Variants in ZNF101 observed in about 807,000 individuals in gnomAD.
ZNF101 encodes the protein zinc finger protein 101.
In ZNF101, 34 loss-of-function variants were observed where a neutral mutation model predicts 42.6. The observed-to-expected ratio is 0.80, with a 90% confidence interval of 0.61 to 1.06. ZNF101 has a LOEUF of 1.06. Among genes scored for constraint, ZNF101 ranks in the 50% least tolerant of loss-of-function variants. ZNF101 has a pLI of 0.00. For synonymous variants in ZNF101, 158 were observed against 183.9 expected (o/e 0.86, Z 1.14); for missense variants, 466 against 530.9 (o/e 0.88, Z 1.20).
rs2062151361 is a variant in ZNF101, at chr19:19,668,929, C to T, written c.-35C>T. 16 of 1,579,214 alleles carry T rather than the reference C, an allele frequency of 1.0e-5. No individual in the cohort carries two copies. The highest frequency in any genetic ancestry group is 1.4e-5 in the Non-Finnish European group (16 of 1,163,106). On this transcript the variant is annotated 5_prime_UTR_variant, in exon 1 of 4. Coordinates refer to ENST00000592502, the MANE Select transcript of ZNF101 (RefSeq NM_033204.4). ...GTGGGACCTGTTCTGGCTGCTCCAG[C>T]CCCAGGAAGGACCCAGGACACCCGG... is the stretch of plus-strand genomic sequence containing the variant.
chr19:19,670,804 C>T (rs1241947445), intron 1 of ZNF101, among the ~76,000 whole-genome samples: 1 of 151,012 alleles, frequency 6.6e-6, no homozygotes, highest in Non-Finnish European at 1.5e-5. Flanking sequence ...AATACATTCC[C>T]ACAAAAAAAA....
chr19:19,668,674 ATTAT>A (rs1378988861), upstream of ZNF101: 1 of 427,796 alleles, frequency 2.3e-6, no homozygotes, highest in Non-Finnish European at 4.2e-6. Context: ...CAGCGAGCGG[ATTAT>A]TTGAGGATTC....
At position 19,680,348 on chromosome 19, in the gene ZNF101, G is replaced by A. The variant is rs1416510371; in HGVS notation, c.*48G>A. ...AGGCCCCATATCGGCTGGGTACGGTGGCTCACGCTTGTAATCCCAGCACTT... is the reference window on the plus strand; with the variant it reads ...AGGCCCCATATCGGCTGGGTACGGTAGCTCACGCTTGTAATCCCAGCACTT... On this transcript the variant is annotated 3_prime_UTR_variant, in exon 4 of 4. Transcript: ENST00000592502. 9.0e-7 allele frequency: 1 copy of A among 1,108,922 alleles called. No homozygotes were observed. Among genetic ancestry groups the A allele is most frequent in the East Asian group, 2.6e-5 (1 of 38,182 alleles). 68.7% of individuals were successfully genotyped at this position (1,108,922 alleles called of 1,614,324 possible). A position where few individuals can be genotyped will look rare whatever the true frequency, so the allele number is the denominator to read the frequency against.
At chr19:19,668,834 C>A, upstream of ZNF101, 1 of 1,219,914 alleles carries the variant, frequency 8.2e-7, no homozygotes, top group Non-Finnish European at 1.1e-6. Flanking sequence ...TCCCGCCGGC[C>A]CCCCATTCGG....
chr19:19,681,590 A>G lies in ZNF101; in HGVS notation c.*1290A>G, dbSNP rs1367688789. 1 of 151,984 alleles carries G rather than the reference A, an allele frequency of 6.6e-6. No individual in the cohort carries two copies. The highest frequency in any genetic ancestry group is 1.9e-4 in the East Asian group (1 of 5,180). The allele number at this position is 151,984 out of a possible 1,614,324, so 9.4% of individuals were successfully genotyped here. A position where few individuals can be genotyped will look rare whatever the true frequency, so the allele number is the denominator to read the frequency against. The stretch of plus-strand genomic sequence containing the variant: ...CCTGGAGAAATCCCATGTATACAAA[A>G]AATAGAAAAGTTAGCCAGGGATGAT... On this transcript the variant is annotated 3_prime_UTR_variant, in exon 4 of 4. Transcript: ENST00000592502.
Position 19,681,232 on chromosome 19 carries a change from A to G in ZNF101, c.*932A>G, listed in dbSNP as rs2062238679. ...GAAAAGACTAACTGGAAAAAAATCCAAAGACCTCAGATATTCCAGTTCTAT... is the reference window on the plus strand; with the variant it reads ...GAAAAGACTAACTGGAAAAAAATCCGAAGACCTCAGATATTCCAGTTCTAT... On this transcript the variant is annotated 3_prime_UTR_variant, in exon 4 of 4. Transcript: ENST00000592502. The G allele has an allele frequency of 6.6e-6, 1 of 152,260 alleles. No individual in the cohort carries two copies. The highest frequency in any genetic ancestry group is 1.5e-5 in the Non-Finnish European group (1 of 68,050). The allele number at this position is 152,260 out of a possible 1,614,324, so 9.4% of individuals were successfully genotyped here.
chr19:19,670,426 A>G (rs1349991773), intron 1 of ZNF101, among the ~76,000 whole-genome samples: 1 of 152,158 alleles, frequency 6.6e-6, no homozygotes, highest in African/African-American at 2.4e-5. Context: ...TTTTGTAGAG[A>G]CAAGGTCTCA....
upstream of ZNF101, chr19:19,668,834 C>T: frequency 1.6e-6 from 2 of 1,219,914 alleles, no homozygotes; most frequent in African/African-American, 1.6e-5. Context: ...TCCCGCCGGC[C>T]CCCCATTCGG....
At chr19:19,679,110 T>C in intron 3 of ZNF101, 71 bp from the exon 4 acceptor site, 1 of 1,558,892 alleles carries the variant, frequency 6.4e-7, no homozygotes, top group East Asian at 2.2e-5. Flanking sequence ...AGCATAAGTC[T>C]TAAGACATGT....
At chr19:19,671,418 GTC>G (rs1470133713) in intron 1 of ZNF101, among the ~76,000 whole-genome samples, 1 of 151,986 alleles carries the variant, frequency 6.6e-6, no homozygotes, top group Non-Finnish European at 1.5e-5. Flanking sequence ...GTACTCCTAG[GTC>G]TCTCTCATGA....
At chr19:19,678,377 A>G (rs1178593175) in intron 2 of ZNF101, among the ~76,000 whole-genome samples, 1 of 152,030 alleles carries the variant, frequency 6.6e-6, no homozygotes, top group Non-Finnish European at 1.5e-5. Flanking sequence ...GCACTTTGGG[A>G]GGCTGAGGCA....
chr19:19,679,987 C>T lies in ZNF101; in HGVS notation c.998C>T (p.Thr333Ile), dbSNP rs1288447025. ...TSLQAHERAH[T>I]GERPYECNKC... ...CTTCAAGCACATGAAAGAGCTCACA[C>T]TGGAGAAAGACCTTATGAATGTAAT... Residue 333 changes from threonine to isoleucine, a missense_variant, in exon 4 of 4, where the codon ACT becomes ATT. Thr to Ile is a moderately conservative substitution (Grantham distance 89). Coordinates refer to ENST00000592502, the MANE Select transcript of ZNF101 (RefSeq NM_033204.4). 4 of 1,613,924 alleles carry T rather than the reference C, an allele frequency of 2.5e-6. No homozygotes were observed. Among genetic ancestry groups the T allele is most frequent in the Admixed American group, 1.7e-5 (1 of 59,966 alleles).
chr19:19,671,469 G>A (rs975085001), intron 1 of ZNF101, among the ~76,000 whole-genome samples: 4 of 151,432 alleles, frequency 2.6e-5, no homozygotes, highest in South Asian at 2.1e-4. Flanking sequence ...GTTGCTGCCC[G>A]TAATATTAAT....
chr19:19,677,188 G>C (rs754549011), intron 1 of ZNF101: 3 of 152,202 alleles, frequency 2.0e-5, no homozygotes, highest in Non-Finnish European at 4.4e-5. Context: ...AACCACATGG[G>C]ATGAGCTCAG....
chr19:19,679,894 G>C lies in ZNF101; in HGVS notation c.905G>C (p.Arg302Thr). Residue 302 changes from arginine to threonine, a missense_variant, in exon 4 of 4, where the codon AGA becomes ACA. Coordinates refer to ENST00000592502, the MANE Select transcript of ZNF101 (RefSeq NM_033204.4). Reference sequence around the variant, plus strand: ...TCCAGTTCCCTTCACAGACATGAAAGAACTCATAGTGGAGGAAAACTCTAC... The same window carrying C: ...TCCAGTTCCCTTCACAGACATGAAACAACTCATAGTGGAGGAAAACTCTAC... Reference protein sequence around the residue: ...SCSSSLHRHERTHSGGKLYEC... With the variant: ...SCSSSLHRHETTHSGGKLYEC... The C allele has an allele frequency of 6.2e-7, 1 of 1,614,062 alleles. No homozygotes were observed. Among genetic ancestry groups the C allele is most frequent in the Non-Finnish European group, 8.5e-7 (1 of 1,180,044 alleles).
intron 1 of ZNF101, chr19:19,676,287 T>G (rs2062202597): frequency 6.6e-6 from 1 of 151,862 alleles, no homozygotes; most frequent in Admixed American, 6.6e-5. Context: ...CAGGCTAATT[T>G]TTCTATTTTT....
Position 19,679,926 on chromosome 19 carries a change from C to A in ZNF101, c.937C>A (p.Gln313Lys). The A allele has an allele frequency of 3.7e-6, 6 of 1,613,912 alleles. No homozygotes were observed. Among genetic ancestry groups the A allele is most frequent in the South Asian group, 1.1e-5 (1 of 91,044 alleles). Residue 313 changes from glutamine to lysine, a missense_variant, in exon 4 of 4, where the codon CAA becomes AAA. Physicochemically the swap from Gln to Lys is moderately conservative, Grantham distance 53. Transcript: ENST00000592502. ...THSGGKLYEC[Q>K]KCAKVFRCPT... The stretch of plus-strand genomic sequence containing the variant: ...TAGTGGAGGAAAACTCTACGAATGT[C>A]AAAAATGTGCCAAAGTCTTTAGATG...
rs148589434 is a variant in ZNF101 at position 19,680,701 on chromosome 19, C to G, written c.*401C>G. ...CTTTGGGAAGCCGAGGTGGGTGGATCACGAGGTCCAGAGATGGAGACTATC... is the reference window on the plus strand; with the variant it reads ...CTTTGGGAAGCCGAGGTGGGTGGATGACGAGGTCCAGAGATGGAGACTATC... On this transcript the variant is annotated 3_prime_UTR_variant, in exon 4 of 4. Coordinates refer to ENST00000592502, the MANE Select transcript of ZNF101 (RefSeq NM_033204.4). 6.5e-6 allele frequency: 1 copy of G among 153,742 alleles called. No homozygotes were observed. Among genetic ancestry groups the G allele is most frequent in the East Asian group, 1.9e-4 (1 of 5,212 alleles). The allele number at this position is 153,742 out of a possible 1,614,324, so 9.5% of individuals were successfully genotyped here.
chr19:19,677,250 A>T (rs2062207763), intron 1 of ZNF101: 1 of 152,278 alleles, frequency 6.6e-6, no homozygotes, highest in African/African-American at 2.4e-5. Context: ...TCTCCCAGGA[A>T]AGCTCATTAA....
Sources: gnomAD v4.1 joint callset for allele counts (sites outside exome capture counted in the v4.1 genomes callset) on GRCh38, gnomAD v4.1.1 for gene constraint, MANE v1.5 for transcripts, NCBI Gene and HGNC (gene_info 2026-07-23, HGNC 2026-07-21) for gene names.